SUMF1: variants seen among roughly 807,000 people sequenced by gnomAD.
SUMF1 encodes the protein formylglycine-generating enzyme.
A neutral mutation model predicts 47.6 loss-of-function variants in SUMF1; 48 were observed. The observed-to-expected ratio is 1.01, with a 90% CI of 0.80 to 1.28. The LOEUF is 1.28. SUMF1 is among the 50% of genes most tolerant of loss of function. The pLI is 0.00. For missense variants in SUMF1, 571 were observed against 485.4 expected (o/e 1.18, Z -1.66); for synonymous variants, 230 against 192.1 (o/e 1.20, Z -1.63).
At chr3:4,103,771 T>C (rs1292195680) in intron 8 of SUMF1, among the ~76,000 whole-genome samples, 1 of 151,718 alleles carries the variant, frequency 6.6e-6, no homozygotes, top group Non-Finnish European at 1.5e-5. Context: ...ACGTCCTCTC[T>C]ACAGATAAGA....
At chr3:4,450,879 T>C (rs1702946091) in intron 2 of SUMF1, among the ~76,000 whole-genome samples, 1 of 151,738 alleles carries the variant, frequency 6.6e-6, no homozygotes, top group Admixed American at 6.6e-5. Flanking sequence ...TTTCAAGGAA[T>C]AGAAACAAAA....
chr3:4,083,590 G>T (rs944089500), intron 8 of SUMF1, among the ~76,000 whole-genome samples: 6 of 152,092 alleles, frequency 3.9e-5, no homozygotes, highest in Admixed American at 3.9e-4. Flanking sequence ...TTTGCAACTT[G>T]TTCCAAGGAA....
chr3:4,418,301 G>A (rs898688649), intron 4 of SUMF1, among the ~76,000 whole-genome samples, 169 bp from the exon 5 acceptor site: 18 of 152,138 alleles, frequency 1.2e-4, no homozygotes, highest in Middle Eastern at 3.2e-3. Context: ...CTCCACCAAC[G>A]GTTTCTGACA....
intron 8 of SUMF1, among the ~76,000 whole-genome samples, chr3:4,163,148 C>A (rs1694617404): frequency 6.6e-6 from 1 of 151,496 alleles, no homozygotes; most frequent in Non-Finnish European, 1.5e-5. Context: ...TCTACTGCTA[C>A]ACCTAGGAAA....
chr3:4,387,450 AT>A (rs1700710953), intron 7 of SUMF1, among the ~76,000 whole-genome samples: 2 of 151,770 alleles, frequency 1.3e-5, no homozygotes, highest in Admixed American at 1.3e-4. Flanking sequence ...ATCTTGTTTC[AT>A]TTCTCATATT....
chr3:4,265,136 C>CAAAAAAAAA (rs71043507), intron 8 of SUMF1, among the ~76,000 whole-genome samples: 2 of 73,412 alleles, frequency 2.7e-5, no homozygotes, highest in Non-Finnish European at 5.1e-5. Flanking sequence ...GACTCCATCT[C>CAAAAAAAAA]AAAAAAAAAA....
intron 8 of SUMF1, among the ~76,000 whole-genome samples, chr3:4,290,191 T>C (rs1697712132): frequency 6.6e-6 from 1 of 152,228 alleles, no homozygotes; most frequent in Non-Finnish European, 1.5e-5. Flanking sequence ...GACAGTATTT[T>C]CCATCTTTTG....
chr3:4,099,427 C>T (rs1424651421), intron 8 of SUMF1, among the ~76,000 whole-genome samples: 2 of 152,062 alleles, frequency 1.3e-5, no homozygotes, highest in Admixed American at 1.3e-4. Flanking sequence ...ATAATTAAAA[C>T]TCTCAACAAA....
At chr3:4,449,201 T>C (rs955904592) in intron 3 of SUMF1, 65 bp downstream of exon 3, 4 of 1,578,002 alleles carry the variant, frequency 2.5e-6, no homozygotes, top group African/African-American at 2.7e-5. Flanking sequence ...TGGTTTGGAT[T>C]TTTCACCCAA....
intron 8 of SUMF1, among the ~76,000 whole-genome samples, chr3:4,247,188 A>T (rs756271096): frequency 6.6e-6 from 1 of 152,182 alleles, no homozygotes; most frequent in Non-Finnish European, 1.5e-5. Flanking sequence ...CAGAAGCAAA[A>T]CCAGAGTCAA....
chr3:4,168,347 C>T (rs1347071775), intron 8 of SUMF1, among the ~76,000 whole-genome samples: 2 of 152,094 alleles, frequency 1.3e-5, no homozygotes, highest in South Asian at 2.1e-4. Context: ...CACAGATTTG[C>T]CCAAGGATAA....
chr3:4,301,389 C>G (rs1697961534), intron 8 of SUMF1, among the ~76,000 whole-genome samples: 1 of 152,158 alleles, frequency 6.6e-6, no homozygotes, highest in Admixed American at 6.5e-5. Flanking sequence ...AGAAGGTAAA[C>G]TTTGAGAGAA....
At chr3:4,388,612 T>C (rs1700748605) in intron 7 of SUMF1, among the ~76,000 whole-genome samples, 1 of 152,112 alleles carries the variant, frequency 6.6e-6, no homozygotes, top group South Asian at 2.1e-4. Flanking sequence ...TTTTGTTTTC[T>C]GTCTGTTCTC....
intron 8 of SUMF1, among the ~76,000 whole-genome samples, chr3:4,320,325 CAGTTCCT>C (rs746128730): frequency 1.3e-5 from 2 of 152,114 alleles, no homozygotes; most frequent in Non-Finnish European, 2.9e-5. Flanking sequence ...TGCAAGTAAG[CAGTTCCT>C]AGTTGATACA....
intron 8 of SUMF1, among the ~76,000 whole-genome samples, chr3:4,153,421 G>T (rs961104041): frequency 6.6e-6 from 1 of 150,758 alleles, no homozygotes. Flanking sequence ...TTCCTATATT[G>T]CCCCAGCTGG....
chr3:4,120,124 G>A (rs534307758), intron 8 of SUMF1, among the ~76,000 whole-genome samples: 1 of 152,248 alleles, frequency 6.6e-6, no homozygotes, highest in African/African-American at 2.4e-5. Context: ...GTCTCAGGAA[G>A]TCCATCTTCC....
Position 4,453,559 on chromosome 3 carries a change from G to T in SUMF1, c.271-510C>A, listed in dbSNP as rs147521554. Among the ~76,000 whole-genome samples the T allele has an allele frequency of 3.0e-3, 446 of 148,560 alleles. 1 individual carries two copies. The highest frequency in any genetic ancestry group is 4.1e-3 in the Non-Finnish European group (273 of 67,382). On this transcript the variant is annotated intron_variant, in intron 1 of 8. Transcript: ENST00000272902. ...TTTTTTTTTTTTTTTTTGAGACGGAGTCTTGCTCTGTCGCCCCAGGCTGGA... is the reference window on the plus strand; with the variant it reads ...TTTTTTTTTTTTTTTTTGAGACGGATTCTTGCTCTGTCGCCCCAGGCTGGA...
Position 4,266,101 on chromosome 3 carries a change from A to G in SUMF1, c.1014+110229T>C, listed in dbSNP as rs183815219. On this transcript the variant is annotated intron_variant and NMD_transcript_variant, in intron 8 of 12. Coordinates refer to the SUMF1 transcript ENST00000448413. ...TCCATTGATCTAGATCTCTGTTTTG[A>G]TACCAGTACCATGCTGTTTTGGTTA... Among the ~76,000 whole-genome samples, 775 of 151,868 alleles carry G rather than the reference A, an allele frequency of 5.1e-3. 38 individuals carry two copies. In the East Asian group the frequency reaches 0.11, roughly 22 times the overall value.
At chr3:4,127,856 G>C (rs1693691211) in intron 8 of SUMF1, among the ~76,000 whole-genome samples, 1 of 152,062 alleles carries the variant, frequency 6.6e-6, no homozygotes, top group South Asian at 2.1e-4. Context: ...AAATGGGAAG[G>C]ACTTTACTTC....
Sources: allele counts gnomAD v4.1 joint callset (sites outside exome capture counted in the v4.1 genomes callset), GRCh38; gene constraint gnomAD v4.1.1; transcripts MANE v1.5; gene names NCBI Gene and HGNC (gene_info 2026-07-23, HGNC 2026-07-21).